Variants in AVEN observed in about 807,000 individuals in gnomAD.
The protein encoded by AVEN is cell death regulator Aven.
A neutral mutation model predicts 38.1 loss-of-function variants in AVEN; 41 were observed. That is an observed-to-expected ratio of 1.08 (90% CI 0.84 to 1.40). The LOEUF (loss-of-function observed/expected upper bound fraction) is 1.40. Ranked by LOEUF, AVEN falls within the 40% of genes most tolerant of loss-of-function variation. AVEN has a pLI of 0.00. For synonymous variants in AVEN, 206 were observed against 171.8 expected (o/e 1.20, Z -1.56); for missense variants, 605 against 438.8 (o/e 1.38, Z -3.38).
chr15:33,979,953 G>A (rs954738242), intron 2 of AVEN, among the ~76,000 whole-genome samples: 11 of 152,190 alleles, frequency 7.2e-5, no homozygotes, highest in African/African-American at 2.7e-4. Context: ...TTCTAGCTAT[G>A]AATTTGTTAA....
intron 2 of AVEN, among the ~76,000 whole-genome samples, chr15:33,880,264 C>A (rs1891430927): frequency 6.6e-6 from 1 of 152,072 alleles, no homozygotes. Flanking sequence ...GATGAAATTC[C>A]TGGAGAGAAG....
At chr15:34,069,489 GCTAT>G (rs1900588284) in intron 2 of AVEN, among the ~76,000 whole-genome samples, 2 of 152,276 alleles carry the variant, frequency 1.3e-5, no homozygotes, top group East Asian at 1.9e-4. Context: ...TCAGTTTGAG[GCTAT>G]CTGATATTTC....
chr15:33,860,703 C>G lies in AVEN; in HGVS notation n.2730-1609G>C, dbSNP rs545747188. On this transcript the variant is annotated intron_variant and non_coding_transcript_variant, in intron 11 of 11. Transcript: ENST00000675287. ...CTAATCCCAGCTCTATTTTAATATC[C>G]CCAGAAGCAAATAGATTTTTTAAAC... The G allele has an allele frequency of 3.5e-4, 465 of 1,338,638 alleles. 1 individual carries two copies. In the Middle Eastern group the frequency reaches 4.0e-3, roughly 12 times the overall value. The allele number at this position is 1,338,638 out of a possible 1,614,324, so 82.9% of individuals were successfully genotyped here. A position where few individuals can be genotyped will look rare whatever the true frequency, so the allele number is the denominator to read the frequency against.
At chr15:33,908,017 A>G (rs1892772607) in intron 2 of AVEN, among the ~76,000 whole-genome samples, 1 of 152,228 alleles carries the variant, frequency 6.6e-6, no homozygotes, top group Admixed American at 6.5e-5. Context: ...AATACTTGCA[A>G]CACATCAGAT....
At chr15:33,952,009 G>A (rs1312803901) in intron 2 of AVEN, among the ~76,000 whole-genome samples, 1 of 152,104 alleles carries the variant, frequency 6.6e-6, no homozygotes, top group Non-Finnish European at 1.5e-5. Context: ...AGTAAGCAGA[G>A]CTCTAGAGCT....
chr15:33,922,791 G>A (rs1441916781), intron 2 of AVEN, among the ~76,000 whole-genome samples: 3 of 152,056 alleles, frequency 2.0e-5, no homozygotes, highest in Admixed American at 2.0e-4. Flanking sequence ...TCTTCTTACA[G>A]CTTATTTCAT....
rs773674995 is a variant in AVEN, at chr15:33,867,636, C to T, written c.832G>A (p.Ala278Thr). ...AGTTCTTCTTCCAAATGGTCTCCTG[C>T]TGACTGCAGTGGGGAAGTGGGTTTC... ...SQKPTSPLQS[A>T]GDHLEEELDL... Residue 278 changes from alanine to threonine, a missense_variant, in exon 5 of 6, where the codon GCA (alanine) becomes ACA (threonine). Transcript: ENST00000306730. The T allele has an allele frequency of 3.7e-6, 6 of 1,614,096 alleles. No individual in the cohort carries two copies. The East Asian group carries it at 1.1e-4, about 30-fold the overall frequency.
intron 2 of AVEN, among the ~76,000 whole-genome samples, chr15:33,914,747 G>A (rs1893057262): frequency 6.6e-6 from 1 of 151,764 alleles, no homozygotes; most frequent in Non-Finnish European, 1.5e-5. Context: ...TAGAAATACT[G>A]GTATGAACTC....
At chr15:34,042,284 G>T (rs894915769), upstream of AVEN, among the ~76,000 whole-genome samples, 1 of 151,942 alleles carries the variant, frequency 6.6e-6, no homozygotes, top group Non-Finnish European at 1.5e-5. Flanking sequence ...TTTCCCTTAG[G>T]TAGGACTCAT....
At chr15:33,929,131 G>A (rs1337725749) in intron 2 of AVEN, among the ~76,000 whole-genome samples, 1 of 152,002 alleles carries the variant, frequency 6.6e-6, no homozygotes, top group African/African-American at 2.4e-5. Context: ...CCATGGAGTT[G>A]GAGAATGGGG....
At chr15:33,989,566 A>G (rs926895593) in intron 2 of AVEN, among the ~76,000 whole-genome samples, 1 of 152,082 alleles carries the variant, frequency 6.6e-6, no homozygotes, top group Non-Finnish European at 1.5e-5. Context: ...CAGGCACACT[A>G]CTGAAAAGAT....
chr15:33,921,822 C>T (rs995821622), intron 2 of AVEN, among the ~76,000 whole-genome samples: 1 of 152,340 alleles, frequency 6.6e-6, no homozygotes, highest in Non-Finnish European at 1.5e-5. Flanking sequence ...CACATGCTAA[C>T]TGACCTGGCT....
chr15:33,865,204 A>G, downstream of AVEN: 3 of 1,613,520 alleles, frequency 1.9e-6, no homozygotes, highest in Non-Finnish European at 2.5e-6. Context: ...TTTCGTAAAC[A>G]ATATGAAGAT....
chr15:34,008,948 G>GCACA (rs1459998096), intron 1 of AVEN, among the ~76,000 whole-genome samples: 1 of 17,926 alleles, frequency 5.6e-5, no homozygotes, highest in African/African-American at 7.3e-5. Flanking sequence ...TCACACGTGC[G>GCACA]CGCGCGCACA....
intron 2 of AVEN, among the ~76,000 whole-genome samples, chr15:33,907,844 T>C (rs1892765534): frequency 6.9e-6 from 1 of 145,630 alleles, no homozygotes; most frequent in South Asian, 2.1e-4. Flanking sequence ...AAGTTAAGAG[T>C]GCTAGAAGAA....
intron 1 of AVEN, among the ~76,000 whole-genome samples, chr15:34,033,437 C>T (rs1437587776): frequency 1.3e-5 from 2 of 150,742 alleles, no homozygotes; most frequent in Non-Finnish European, 2.9e-5. Flanking sequence ...ACCCAAGAGG[C>T]GGAGATTGCA....
chr15:34,015,305 A>G (rs1409769068), intron 1 of AVEN, among the ~76,000 whole-genome samples: 1 of 152,062 alleles, frequency 6.6e-6, no homozygotes. Context: ...AACACAGTGA[A>G]ACCCCACCTC....
intron 5 of AVEN, among the ~76,000 whole-genome samples, chr15:34,051,682 CA>C (rs1444999070): frequency 1.3e-5 from 2 of 151,964 alleles, no homozygotes; most frequent in East Asian, 3.9e-4. Flanking sequence ...CACAGAAATC[CA>C]AACAATCATC....
At chr15:33,940,440 A>T in intron 2 of AVEN, among the ~76,000 whole-genome samples, 1 of 152,212 alleles carries the variant, frequency 6.6e-6, no homozygotes, top group East Asian at 1.9e-4. Flanking sequence ...CATCCCCAGT[A>T]CTGCGTCGCC....
Sources: allele counts gnomAD v4.1 joint callset (sites outside exome capture counted in the v4.1 genomes callset), GRCh38; gene constraint gnomAD v4.1.1; transcripts MANE v1.5; gene names NCBI Gene and HGNC (gene_info 2026-07-23, HGNC 2026-07-21).